Variants in CACNA2D3 observed in about 807,000 individuals in gnomAD.
CACNA2D3 encodes voltage-dependent calcium channel subunit alpha-2/delta-3.
Under a neutral mutation model 160.6 loss-of-function variants are expected in CACNA2D3, and 60 were observed. That is an observed-to-expected ratio of 0.37 (90% CI 0.30 to 0.46). The LOEUF (loss-of-function observed/expected upper bound fraction) is 0.46, where lower values mean the gene tolerates loss of function less well. Ranked by LOEUF, CACNA2D3 falls within the 20% of genes least tolerant of loss-of-function variation. The probability of loss-of-function intolerance (pLI) is 1.00; values close to 1 mark genes in which losing one functional copy is unlikely to be tolerated. For missense variants in CACNA2D3, 1,205 were observed against 1,365.0 expected, an observed-to-expected ratio of 0.88 and a Z score of 1.85; for synonymous variants, 558 against 492.9, an observed-to-expected ratio of 1.13 and a Z score of -1.75.
chr3:54,921,652 C>T (rs1237906481), intron 27 of CACNA2D3, among the ~76,000 whole-genome samples: 1 of 152,106 alleles, frequency 6.6e-6, no homozygotes, highest in African/African-American at 2.4e-5. Flanking sequence ...GGCCATAAAG[C>T]CCCCGTGTAA....
intron 5 of CACNA2D3, among the ~76,000 whole-genome samples, chr3:54,529,195 T>C (rs937392098): frequency 6.6e-6 from 1 of 152,238 alleles, no homozygotes; most frequent in Non-Finnish European, 1.5e-5. Context: ...CATTTATAGA[T>C]GTCCTTCTAC....
intron 15 of CACNA2D3, among the ~76,000 whole-genome samples, chr3:54,838,350 T>C (rs1163350075): frequency 6.6e-6 from 1 of 152,192 alleles, no homozygotes; most frequent in Admixed American, 6.5e-5. Context: ...GGGACTGTAG[T>C]AGTTAATGGT....
At chr3:54,896,260 A>C (rs1700186136) in intron 25 of CACNA2D3, among the ~76,000 whole-genome samples, 1 of 152,140 alleles carries the variant, frequency 6.6e-6, no homozygotes, top group Non-Finnish European at 1.5e-5. Flanking sequence ...GAAGGTACAA[A>C]GATCTCAGTG....
At chr3:54,462,722 T>C (rs1369810730) in intron 4 of CACNA2D3, among the ~76,000 whole-genome samples, 1 of 152,212 alleles carries the variant, frequency 6.6e-6, no homozygotes, top group Non-Finnish European at 1.5e-5. Flanking sequence ...GTCTTGACTC[T>C]TTATCCAATT....
At chr3:54,892,318 C>G (rs1700088771) in intron 25 of CACNA2D3, among the ~76,000 whole-genome samples, 1 of 152,014 alleles carries the variant, frequency 6.6e-6, no homozygotes, top group Non-Finnish European at 1.5e-5. Flanking sequence ...GGTGAATAAC[C>G]AAGCCACAGA....
chr3:54,259,119 C>T (rs1262930731), intron 2 of CACNA2D3, among the ~76,000 whole-genome samples: 2 of 152,226 alleles, frequency 1.3e-5, no homozygotes, highest in East Asian at 3.9e-4. Flanking sequence ...AATGTCTCAC[C>T]TTACCCTGGA....
At chr3:54,152,589 G>A (rs954282182) in intron 2 of CACNA2D3, among the ~76,000 whole-genome samples, 11 of 152,202 alleles carry the variant, frequency 7.2e-5, no homozygotes, top group Non-Finnish European at 8.8e-5. Context: ...GACGCACTGA[G>A]TGGTAAGTGA....
intron 13 of CACNA2D3, among the ~76,000 whole-genome samples, chr3:54,813,963 C>G (rs977535174): frequency 1.3e-5 from 2 of 150,098 alleles, no homozygotes; most frequent in African/African-American, 4.9e-5. Flanking sequence ...CTCCTGGGCT[C>G]AGGTGATTCT....
At chr3:54,927,754 A>G in intron 27 of CACNA2D3, 4 of 856,048 alleles carry the variant, frequency 4.7e-6, no homozygotes, top group East Asian at 2.4e-5. Context: ...ATGCGCAAAC[A>G]TAAATCATTC....
intron 27 of CACNA2D3, among the ~76,000 whole-genome samples, chr3:54,955,983 G>A (rs1379052465): frequency 1.3e-5 from 2 of 152,138 alleles, no homozygotes; most frequent in African/African-American, 4.8e-5. Flanking sequence ...ATATTCTAAG[G>A]TCCTGAGATT....
At chr3:54,123,431 T>C (rs1321352622) in intron 1 of CACNA2D3, 82 bp from the exon 2 acceptor site, 1 of 912,256 alleles carries the variant, frequency 1.1e-6, no homozygotes, top group African/African-American at 1.6e-5. Context: ...TCAGCCATAG[T>C]CCCATGTGTG....
intron 27 of CACNA2D3, among the ~76,000 whole-genome samples, chr3:54,963,960 G>A (rs978683243): frequency 6.6e-6 from 1 of 152,222 alleles, no homozygotes; most frequent in East Asian, 1.9e-4. Flanking sequence ...AGCCCTCTTA[G>A]AGTATTGAGA....
intron 2 of CACNA2D3, among the ~76,000 whole-genome samples, chr3:54,290,867 C>G (rs1703179130): frequency 6.6e-6 from 1 of 150,794 alleles, no homozygotes; most frequent in Non-Finnish European, 1.5e-5. Flanking sequence ...AATGAGAACA[C>G]ACGGACACAG....
chr3:54,957,747 G>T (rs1191856985), intron 27 of CACNA2D3, among the ~76,000 whole-genome samples: 1 of 152,070 alleles, frequency 6.6e-6, no homozygotes, highest in African/African-American at 2.4e-5. Flanking sequence ...GGTGCCCATT[G>T]CTCCATGCCA....
At chr3:54,630,404 T>G (rs1699209622) in intron 10 of CACNA2D3, among the ~76,000 whole-genome samples, 1 of 152,176 alleles carries the variant, frequency 6.6e-6, no homozygotes, top group Admixed American at 6.5e-5. Flanking sequence ...CCTAAGACAC[T>G]ATTTCCCATA....
chr3:54,370,847 A>AC (rs969538107), intron 3 of CACNA2D3, among the ~76,000 whole-genome samples: 33 of 152,022 alleles, frequency 2.2e-4, no homozygotes, highest in South Asian at 4.2e-4. Context: ...AAAAAAAAAA[A>AC]AAAAAACAGT....
At chr3:54,944,337 A>C (rs1039225313) in intron 27 of CACNA2D3, among the ~76,000 whole-genome samples, 2 of 151,986 alleles carry the variant, frequency 1.3e-5, no homozygotes, top group South Asian at 2.1e-4. Flanking sequence ...CCCAACATAT[A>C]TCTTTCTACT....
At chr3:54,747,685 G>A (rs995797066) in intron 11 of CACNA2D3, among the ~76,000 whole-genome samples, 9 of 152,000 alleles carry the variant, frequency 5.9e-5, no homozygotes, top group African/African-American at 2.2e-4. Context: ...CCATTAACAC[G>A]AGCCCCTTCA....
intron 25 of CACNA2D3, among the ~76,000 whole-genome samples, chr3:54,894,098 G>C (rs1379429359): frequency 6.6e-6 from 1 of 152,130 alleles, no homozygotes; most frequent in East Asian, 1.9e-4. Context: ...TACTCACTCA[G>C]AGTCACCCAG....
Sources: allele counts gnomAD v4.1 joint callset (sites outside exome capture counted in the v4.1 genomes callset), GRCh38; gene constraint gnomAD v4.1.1; transcripts MANE v1.5; gene names NCBI Gene and HGNC (gene_info 2026-07-23, HGNC 2026-07-21).